The following NDUFV2 variants were observed in gnomAD, a reference collection of about 807,000 sequenced individuals.
NDUFV2 encodes the protein NADH:ubiquinone oxidoreductase core subunit V2, also known as NADH dehydrogenase [ubiquinone] flavoprotein 2, mitochondrial.
NDUFV2 carries 18 observed loss-of-function variants against 31.6 expected under a neutral mutation model. That is an observed-to-expected ratio of 0.57 (90% CI 0.39 to 0.84). The LOEUF (loss-of-function observed/expected upper bound fraction) is 0.84. NDUFV2 is among the 40% of genes least tolerant of loss of function. NDUFV2 has a pLI of 0.00. For synonymous variants in NDUFV2, 83 were observed against 99.8 expected (o/e 0.83, Z 1.01); for missense variants, 314 against 303.6 (o/e 1.03, Z -0.26).
intron 1 of NDUFV2, chr18:9,103,048 G>GAT (rs148124234): frequency 7.1e-4 from 333 of 472,302 alleles, no homozygotes; most frequent in African/African-American, 3.0e-3. Flanking sequence ...GCTGCTTGGT[G>GAT]ATATATATAT....
At position 9,119,480 on chromosome 18, in the gene NDUFV2, G is replaced by C. The variant is rs776058736; in HGVS notation, c.190G>C (p.Glu64Gln). 4 of 1,613,334 alleles carry C rather than the reference G, an allele frequency of 2.5e-6. No homozygotes were observed. The highest frequency in any genetic ancestry group is 3.4e-6 in the Non-Finnish European group (4 of 1,179,444). Residue 64 changes from glutamate to glutamine, a missense_variant, in exon 4 of 8, where the codon GAG becomes CAG. Physicochemically the swap from Glu to Gln is conservative, Grantham distance 29. Coordinates refer to ENST00000318388, the MANE Select transcript of NDUFV2 (RefSeq NM_021074.5). ...DFTPENYKRIEAIVKNYPEGH... is the reference protein window; with the variant it reads ...DFTPENYKRIQAIVKNYPEGH... The stretch of plus-strand genomic sequence containing the variant: ...TGTTCTTTCTTTTATACAGAGGATA[G>C]AGGCAATTGTAAAAAACTATCCAGA...
At chr18:9,120,214 AT>A (rs1331805596) in intron 4 of NDUFV2, among the ~76,000 whole-genome samples, 5 of 152,164 alleles carry the variant, frequency 3.3e-5, no homozygotes, top group African/African-American at 1.2e-4. Flanking sequence ...GTGGTGATGT[AT>A]TACAGCATAT....
intron 1 of NDUFV2, chr18:9,105,105 T>C (rs12958481): frequency 0.04 from 43,929 of 1,088,784 alleles, 1,129 homozygotes; most frequent in Non-Finnish European, 0.047. Context: ...GTTCTATTAC[T>C]TATACAACCA....
At chr18:9,132,271 T>C (rs2078046739) in intron 7 of NDUFV2, 1 of 152,224 alleles carries the variant, frequency 6.6e-6, no homozygotes, top group Admixed American at 6.5e-5. Context: ...TTTATAATCT[T>C]CCTAAATTGA....
chr18:9,125,283 C>G (rs933020561), intron 6 of NDUFV2, among the ~76,000 whole-genome samples: 2 of 152,100 alleles, frequency 1.3e-5, no homozygotes, highest in African/African-American at 4.8e-5. Context: ...CATTTTACTT[C>G]AGATACTATC....
intron 1 of NDUFV2, among the ~76,000 whole-genome samples, chr18:9,116,549 G>A (rs1386603813): frequency 6.6e-6 from 1 of 152,122 alleles, no homozygotes; most frequent in African/African-American, 2.4e-5. Context: ...ACCTCTGACT[G>A]TATCCCTCCC....
chr18:9,116,175 TCAC>T (rs1237388743), intron 1 of NDUFV2, among the ~76,000 whole-genome samples: 1 of 152,200 alleles, frequency 6.6e-6, no homozygotes. Context: ...TTAAGACTCA[TCAC>T]TGTCAAGTTA....
chr18:9,111,942 G>T (rs2077872540), intron 1 of NDUFV2, among the ~76,000 whole-genome samples: 1 of 151,058 alleles, frequency 6.6e-6, no homozygotes, highest in Admixed American at 6.6e-5. Flanking sequence ...TATTAGAAAT[G>T]ATGAAATTGA....
intron 5 of NDUFV2, among the ~76,000 whole-genome samples, chr18:9,123,858 G>A (rs1487548110): frequency 2.6e-5 from 4 of 152,176 alleles, no homozygotes; most frequent in Non-Finnish European, 4.4e-5. Context: ...TTGTCCTGTT[G>A]TATGCTGAGA....
intron 4 of NDUFV2, among the ~76,000 whole-genome samples, chr18:9,120,726 G>A (rs1400683783): frequency 6.6e-6 from 1 of 151,938 alleles, no homozygotes. Flanking sequence ...ACTATCCTGA[G>A]TAAACATAGG....
At chr18:9,114,754 A>G (rs1263232625) in intron 1 of NDUFV2, among the ~76,000 whole-genome samples, 3 of 152,218 alleles carry the variant, frequency 2.0e-5, no homozygotes, top group African/African-American at 7.2e-5. Context: ...GACCCTTCTC[A>G]ATCAGTAGTC....
intron 7 of NDUFV2, among the ~76,000 whole-genome samples, chr18:9,128,662 T>C (rs184655746): frequency 3.6e-4 from 55 of 152,358 alleles, no homozygotes; most frequent in African/African-American, 1.2e-3. Flanking sequence ...TTATTCTTGC[T>C]TTAAATAGAC....
chr18:9,130,762 G>GA (rs1164042097), intron 7 of NDUFV2, among the ~76,000 whole-genome samples: 10 of 152,174 alleles, frequency 6.6e-5, no homozygotes. Flanking sequence ...TCTCTGTAAT[G>GA]AAAAACCGAG....
rs2144724676 is a variant in NDUFV2 at position 9,102,783 on chromosome 18, C to T, written c.40C>T (p.Leu14Phe). 5 of 1,577,768 alleles carry T rather than the reference C, an allele frequency of 3.2e-6. No individual in the cohort carries two copies. The highest frequency in any genetic ancestry group is 1.4e-5 in the African/African-American group (1 of 74,020). Residue 14 changes from leucine (L) to phenylalanine (F), a missense_variant, in exon 1 of 8, where the codon CTC becomes TTC. Coordinates refer to ENST00000318388, the MANE Select transcript of NDUFV2 (RefSeq NM_021074.5). ...GGCGCTCCGGGCCCGGGCGGCTGGCCTCACCGCCCACTGGGTAAGGAGGCT... is the reference window on the plus strand; with the variant it reads ...GGCGCTCCGGGCCCGGGCGGCTGGCTTCACCGCCCACTGGGTAAGGAGGCT... ...SAALRARAAGLTAHWGRHVRN... is the reference protein window; with the variant it reads ...SAALRARAAGFTAHWGRHVRN...
chr18:9,126,106 T>G (rs1568195132), intron 6 of NDUFV2, among the ~76,000 whole-genome samples: 1 of 152,234 alleles, frequency 6.6e-6, no homozygotes, highest in African/African-American at 2.4e-5. Context: ...AAATAGGAAT[T>G]AGACAGTCAA....
In NDUFV2 at chr18:9,119,540, G is replaced by A. The variant is rs752688140; in HGVS notation, c.250G>A (p.Asp84Asn). The change falls in exon 4 of 8, where the codon GAT becomes AAT. Residue 84 changes from aspartate (D) to asparagine (N), a missense_variant. By Grantham distance (23) the Asp-to-Asn change is conservative. Coordinates refer to ENST00000318388, the MANE Select transcript of NDUFV2 (RefSeq NM_021074.5). ...AGCAGCAGCTGTTCTTCCAGTCCTGGATTTAGCCCAAAGGCAGAATGGGTG... is the reference window on the plus strand; with the variant it reads ...AGCAGCAGCTGTTCTTCCAGTCCTGAATTTAGCCCAAAGGCAGAATGGGTG... ...HKAAAVLPVL[D>N]LAQRQNGWLP... The A allele has an allele frequency of 5.0e-6, 8 of 1,613,866 alleles. No individual in the cohort carries two copies. The highest frequency in any genetic ancestry group is 6.8e-6 in the Non-Finnish European group (8 of 1,179,868).
intron 5 of NDUFV2, among the ~76,000 whole-genome samples, 153 bp downstream of exon 5, chr18:9,122,834 T>G (rs774925845): frequency 1.0e-4 from 16 of 152,384 alleles, no homozygotes; most frequent in Non-Finnish European, 1.9e-4. Flanking sequence ...CACATCTTTA[T>G]TTCTTCCTAT....
chr18:9,123,696 C>A (rs1405430712), intron 5 of NDUFV2, among the ~76,000 whole-genome samples: 4 of 152,102 alleles, frequency 2.6e-5, no homozygotes, highest in African/African-American at 9.7e-5. Context: ...GCTATGTTGC[C>A]CAGGCTGGTG....
chr18:9,127,801 G>A (rs2078004866), intron 7 of NDUFV2, among the ~76,000 whole-genome samples: 2 of 152,152 alleles, frequency 1.3e-5, no homozygotes, highest in South Asian at 4.1e-4. Flanking sequence ...TACATACTGA[G>A]CAGCACAGAG....
Sources: allele counts gnomAD v4.1 joint callset (sites outside exome capture counted in the v4.1 genomes callset), GRCh38; gene constraint gnomAD v4.1.1; transcripts MANE v1.5; gene names NCBI Gene and HGNC (gene_info 2026-07-23, HGNC 2026-07-21).